The following ZNF804A variants were observed in gnomAD, a reference collection of about 807,000 sequenced individuals.
The protein encoded by ZNF804A is zinc finger protein 804A.
ZNF804A carries 2 observed loss-of-function variants against 16.5 expected under a neutral mutation model. That is an observed-to-expected ratio of 0.12 (90% CI 0.05 to 0.38). The LOEUF (loss-of-function observed/expected upper bound fraction) is 0.38. Ranked by LOEUF, ZNF804A falls within the 10% of genes least tolerant of loss-of-function variation. The pLI is 0.99. For synonymous variants in ZNF804A, 534 were observed against 489.6 expected (o/e 1.09, Z -1.20); for missense variants, 1,473 against 1,390.7 (o/e 1.06, Z -0.94).
chr2:184,776,243 G>A (rs184609698), intron 1 of ZNF804A, among the ~76,000 whole-genome samples: 19 of 151,608 alleles, frequency 1.3e-4, no homozygotes, highest in African/African-American at 4.6e-4. Context: ...GGCTATAGAA[G>A]AGTTGAGGGA....
At chr2:184,857,179 C>T (rs529329900) in intron 1 of ZNF804A, among the ~76,000 whole-genome samples, 1 of 151,846 alleles carries the variant, frequency 6.6e-6, no homozygotes, top group Non-Finnish European at 1.5e-5. Context: ...CATTGTCTTT[C>T]ATTTTCATTT....
chr2:184,905,625 AAT>A (rs1168245154), intron 2 of ZNF804A, among the ~76,000 whole-genome samples: 11 of 152,184 alleles, frequency 7.2e-5, no homozygotes, highest in Admixed American at 2.6e-4. Context: ...AGTCAGCTAT[AAT>A]ATATGTTTGT....
chr2:184,715,741 C>A (rs1574176933), intron 1 of ZNF804A, among the ~76,000 whole-genome samples: 2 of 151,932 alleles, frequency 1.3e-5, no homozygotes, highest in East Asian at 1.9e-4. Flanking sequence ...CTATCATGTT[C>A]TTAAATATTT....
At chr2:184,926,036 C>T (rs2105839079) in intron 2 of ZNF804A, among the ~76,000 whole-genome samples, 1 of 152,020 alleles carries the variant, frequency 6.6e-6, no homozygotes, top group African/African-American at 2.4e-5. Context: ...GTAGTTTATA[C>T]ACCACTGTTA....
chr2:184,695,963 A>T (rs371456839), intron 1 of ZNF804A, among the ~76,000 whole-genome samples: 30 of 152,316 alleles, frequency 2.0e-4, no homozygotes, highest in African/African-American at 7.2e-4. Context: ...TCTATAAATC[A>T]GTTGTAATTT....
At chr2:184,697,112 A>T (rs985994434) in intron 1 of ZNF804A, among the ~76,000 whole-genome samples, 3 of 152,104 alleles carry the variant, frequency 2.0e-5, no homozygotes, top group Non-Finnish European at 4.4e-5. Context: ...AGAAGAGATT[A>T]TATTTTAAAT....
At chr2:184,683,183 A>G (rs1019384454) in intron 1 of ZNF804A, among the ~76,000 whole-genome samples, 1 of 152,156 alleles carries the variant, frequency 6.6e-6, no homozygotes, top group African/African-American at 2.4e-5. Flanking sequence ...GTTGTGTGCT[A>G]GGTATGTGTA....
Position 184,937,612 on chromosome 2 carries a change from T to C in ZNF804A, c.2216T>C (p.Leu739Ser), listed in dbSNP as rs751034462. ...MSSCSQDHRS[L>S]VLQNDMKHMS... ...AGCTGTAGTCAGGATCACAGAAGCT[T>C]AGTTCTTCAAAATGATATGAAACAC... Residue 739 changes from leucine to serine, a missense_variant, in exon 4 of 4, where the codon TTA becomes TCA. Physicochemically the swap from Leu to Ser is moderately radical, Grantham distance 145. Coordinates refer to ENST00000302277, the MANE Select transcript of ZNF804A (RefSeq NM_194250.2). 6.2e-7 allele frequency: 1 copy of C among 1,613,736 alleles called. No homozygotes were observed. Among genetic ancestry groups the C allele is most frequent in the South Asian group, 1.1e-5 (1 of 91,050 alleles).
At chr2:184,701,059 A>T (rs181720955) in intron 1 of ZNF804A, among the ~76,000 whole-genome samples, 1 of 152,128 alleles carries the variant, frequency 6.6e-6, no homozygotes, top group Admixed American at 6.5e-5. Flanking sequence ...ACACCACATC[A>T]CATTGAACCT....
intron 1 of ZNF804A, among the ~76,000 whole-genome samples, chr2:184,798,546 A>G (rs759024658): frequency 5.3e-5 from 8 of 152,046 alleles, no homozygotes; most frequent in Non-Finnish European, 1.2e-4. Flanking sequence ...TTTCCAGAGC[A>G]GTTTGCATTT....
rs190017074 is a variant in ZNF804A at position 184,803,878 on chromosome 2, G to A, written c.112-62491G>A. On this transcript the variant is annotated intron_variant, in intron 1 of 3. Coordinates refer to ENST00000302277, the MANE Select transcript of ZNF804A (RefSeq NM_194250.2). The stretch of plus-strand genomic sequence containing the variant: ...TCTGTCTTTTTTTTTGGGGGGGAGG[G>A]GGGTGATGGAGTCTCACTCTGTCAC... Among the ~76,000 whole-genome samples, 324 of 151,384 alleles carry A rather than the reference G, an allele frequency of 2.1e-3. 1 individual carries two copies. Among genetic ancestry groups the A allele is most frequent in the Middle Eastern group, 6.8e-3 (2 of 294 alleles).
At chr2:184,817,788 G>C (rs1172797373) in intron 1 of ZNF804A, among the ~76,000 whole-genome samples, 1 of 151,910 alleles carries the variant, frequency 6.6e-6, no homozygotes, top group Non-Finnish European at 1.5e-5. Flanking sequence ...AGAATACACT[G>C]AACAGAGGTA....
intron 1 of ZNF804A, among the ~76,000 whole-genome samples, chr2:184,760,452 T>C (rs1056040279): frequency 6.6e-6 from 1 of 152,168 alleles, no homozygotes; most frequent in African/African-American, 2.4e-5. Context: ...AATAATCTGA[T>C]TTCTAAACTG....
intron 2 of ZNF804A, among the ~76,000 whole-genome samples, chr2:184,904,883 C>A (rs1685246519): frequency 6.6e-6 from 1 of 151,930 alleles, no homozygotes; most frequent in African/African-American, 2.4e-5. Flanking sequence ...ATGGATTCAC[C>A]AACATTAAGT....
intron 2 of ZNF804A, among the ~76,000 whole-genome samples, chr2:184,915,843 A>T (rs768060533): frequency 3.5e-4 from 54 of 152,180 alleles, no homozygotes; most frequent in Admixed American, 2.8e-3. Flanking sequence ...AATGATACAC[A>T]TTCATGGTAG....
chr2:184,727,739 G>A (rs898683367), intron 1 of ZNF804A, among the ~76,000 whole-genome samples: 3 of 151,620 alleles, frequency 2.0e-5, no homozygotes, highest in Non-Finnish European at 3.0e-5. Context: ...ATACTCACAT[G>A]CCAAATGCTA....
chr2:184,805,367 G>A (rs539407513), intron 1 of ZNF804A, among the ~76,000 whole-genome samples: 1 of 152,062 alleles, frequency 6.6e-6, no homozygotes. Context: ...TAATGTCTTA[G>A]TACTGTATAT....
At chr2:184,858,021 A>C (rs1315582468) in intron 1 of ZNF804A, among the ~76,000 whole-genome samples, 1 of 151,878 alleles carries the variant, frequency 6.6e-6, no homozygotes, top group Non-Finnish European at 1.5e-5. Context: ...TATTTTGTAG[A>C]TCTTTTGTTT....
intron 2 of ZNF804A, among the ~76,000 whole-genome samples, chr2:184,930,505 C>T (rs1046823428): frequency 6.6e-6 from 1 of 152,086 alleles, no homozygotes; most frequent in Non-Finnish European, 1.5e-5. Context: ...GATATATACA[C>T]ATACAAGGAC....
Sources: allele counts gnomAD v4.1 joint callset (sites outside exome capture counted in the v4.1 genomes callset), GRCh38; gene constraint gnomAD v4.1.1; transcripts MANE v1.5; gene names NCBI Gene and HGNC (gene_info 2026-07-23, HGNC 2026-07-21).